ASXL3: variants seen among roughly 807,000 people sequenced by gnomAD.
ASXL3 encodes the protein ASXL transcriptional regulator 3, also known as putative Polycomb group protein ASXL3.
ASXL3 carries 34 observed loss-of-function variants against 170.6 expected under a neutral mutation model. The ratio of observed to expected loss-of-function variants is 0.20; its 90% CI spans 0.15 to 0.27. ASXL3 has a LOEUF of 0.27. Among genes scored for constraint, ASXL3 ranks in the 10% least tolerant of loss-of-function variants. ASXL3 has a pLI of 1.00. For missense variants in ASXL3, 2,592 were observed against 2,695.3 expected, an observed-to-expected ratio of 0.96 and a Z score of 0.85; for synonymous variants, 1,002 against 989.1, an observed-to-expected ratio of 1.01 and a Z score of -0.24.
intron 1 of ASXL3, among the ~76,000 whole-genome samples, chr18:33,598,854 A>G (rs895404065): frequency 6.6e-6 from 1 of 152,190 alleles, no homozygotes. Context: ...CTGGGTTCAG[A>G]TCTTTGTTCT....
In ASXL3 at chr18:33,646,344, G is replaced by GA. The variant is rs774106388; in HGVS notation, c.350dup (p.Asn117LysfsTer10). 6.2e-7 allele frequency: 1 copy of GA among 1,607,884 alleles called. No homozygotes were observed. Among genetic ancestry groups the GA allele is most frequent in the South Asian group, 1.1e-5 (1 of 90,546 alleles). ...GGCCGAGGCAAATGCCCATGGAGAAGAAAATGGAGGTAAGTGTGATGAATT... is the reference window on the plus strand; with the variant it reads ...GGCCGAGGCAAATGCCCATGGAGAAGAAAAATGGAGGTAAGTGTGATGAATT... On this transcript the variant is annotated frameshift_variant, in exon 4 of 12. Transcript: ENST00000269197. LOFTEE classifies it high-confidence loss of function.
chr18:33,586,966 T>C (rs2065039622), intron 1 of ASXL3, among the ~76,000 whole-genome samples: 3 of 152,160 alleles, frequency 2.0e-5, no homozygotes, highest in Admixed American at 2.0e-4. Flanking sequence ...GTCTTCCGAG[T>C]ATAGCTCACA....
At chr18:33,697,622 C>T (rs930422499) in intron 8 of ASXL3, among the ~76,000 whole-genome samples, 2 of 152,018 alleles carry the variant, frequency 1.3e-5, no homozygotes, top group Non-Finnish European at 2.9e-5. Context: ...TGTTCCTGGC[C>T]CTGTATGAGC....
chr18:33,610,874 A>G (rs1283950213), intron 2 of ASXL3, among the ~76,000 whole-genome samples: 3 of 152,098 alleles, frequency 2.0e-5, no homozygotes, highest in Admixed American at 6.6e-5. Flanking sequence ...AAATATATGT[A>G]TGCTGATAGT....
chr18:33,671,946 C>G (rs1330054472), intron 7 of ASXL3, 80 bp downstream of exon 7: 2 of 1,327,756 alleles, frequency 1.5e-6, no homozygotes, highest in Admixed American at 3.1e-5. Context: ...ATTTTCAGAA[C>G]ATTTTTTAAT....
In ASXL3 at chr18:33,746,111, A is replaced by G. The variant is rs1327523701; in HGVS notation, c.6263A>G (p.Glu2088Gly). 2 of 1,613,608 alleles carry G rather than the reference A, an allele frequency of 1.2e-6. No individual in the cohort carries two copies. The highest frequency in any genetic ancestry group is 1.7e-5 in the Admixed American group (1 of 59,986). Residue 2088 changes from glutamate (E) to glycine (G), a missense_variant, in exon 12 of 12, where the codon GAA (glutamate) becomes GGA (glycine). Transcript: ENST00000269197. ...NIKSEPLSFE[E>G]GLSSSCELGM... is the part of the protein sequence containing the mutation. Reference sequence around the variant, plus strand: ...AAATCGGAACCTCTTTCTTTTGAGGAAGGTTTAAGCAGCAGCTGTGAACTG... The same window carrying G: ...AAATCGGAACCTCTTTCTTTTGAGGGAGGTTTAAGCAGCAGCTGTGAACTG...
chr18:33,627,898 A>G (rs2065625155), intron 2 of ASXL3, among the ~76,000 whole-genome samples: 1 of 152,132 alleles, frequency 6.6e-6, no homozygotes, highest in Non-Finnish European at 1.5e-5. Context: ...CCTTTAGACT[A>G]ATGAAAAGCT....
chr18:33,599,931 A>G (rs566111890), intron 1 of ASXL3, among the ~76,000 whole-genome samples: 2 of 152,194 alleles, frequency 1.3e-5, no homozygotes, highest in African/African-American at 2.4e-5. Context: ...GGCTGCTGAA[A>G]AAAAGCACGT....
At position 33,607,763 on chromosome 18, in the gene ASXL3, A is replaced by T. The variant is rs575728267; in HGVS notation, c.137+87A>T. ...AAGCGATAGGTGTATCTAGATTTTGATATTGTAGTTGATTGTGAATTAACT... is the reference window on the plus strand; with the variant it reads ...AAGCGATAGGTGTATCTAGATTTTGTTATTGTAGTTGATTGTGAATTAACT... On this transcript the variant is annotated intron_variant, in intron 2 of 11. Coordinates refer to ENST00000269197, the MANE Select transcript of ASXL3 (RefSeq NM_030632.3). 2.3e-5 allele frequency: 23 copies of T among 993,622 alleles called. No individual in the cohort carries two copies. The South Asian group carries it at 3.5e-4, about 15-fold the overall frequency. The allele number at this position is 993,622 out of a possible 1,614,324, so 61.6% of individuals were successfully genotyped here.
chr18:33,651,131 T>A (rs1265170147), intron 4 of ASXL3, among the ~76,000 whole-genome samples: 13 of 152,102 alleles, frequency 8.5e-5, no homozygotes, highest in African/African-American at 3.1e-4. Flanking sequence ...GCCTTTCCAA[T>A]GTTAGTTCAC....
At chr18:33,692,292 T>A (rs1283878705) in intron 8 of ASXL3, among the ~76,000 whole-genome samples, 1 of 152,114 alleles carries the variant, frequency 6.6e-6, no homozygotes, top group African/African-American at 2.4e-5. Flanking sequence ...TATGTTTTTT[T>A]AAAAAAGAGC....
At chr18:33,695,282 G>A (rs1173132453) in intron 8 of ASXL3, among the ~76,000 whole-genome samples, 6 of 151,976 alleles carry the variant, frequency 3.9e-5, no homozygotes, top group Non-Finnish European at 8.8e-5. Context: ...TGACACTTTG[G>A]CTTTTTCGCT....
intron 7 of ASXL3, among the ~76,000 whole-genome samples, chr18:33,677,350 A>G (rs1336067104): frequency 6.6e-6 from 1 of 152,188 alleles, no homozygotes; most frequent in Non-Finnish European, 1.5e-5. Flanking sequence ...CTTACTGTGT[A>G]TCTATAGCCA....
In ASXL3 at chr18:33,607,647, C is replaced by T. The variant is rs370430128; in HGVS notation, c.108C>T (p.Val36=). 1.9e-6 allele frequency: 3 copies of T among 1,587,598 alleles called. No homozygotes were observed. The highest frequency in any genetic ancestry group is 2.6e-6 in the Non-Finnish European group (3 of 1,166,030). Residue 36 remains valine, a synonymous_variant, in exon 2 of 12, where the codon GTC becomes GTT. Transcript: ENST00000269197. ...TGACAGCAAAGCAGATATTGGAAGTCATTCAGAAAGAAGGGTTAAAAGAAA... is the reference window on the plus strand; with the variant it reads ...TGACAGCAAAGCAGATATTGGAAGTTATTCAGAAAGAAGGGTTAAAAGAAA... ...SPMTAKQILE[V]IQKEGLKETS...
At chr18:33,674,942 T>A (rs561917235) in intron 7 of ASXL3, among the ~76,000 whole-genome samples, 1 of 152,334 alleles carries the variant, frequency 6.6e-6, no homozygotes, top group East Asian at 1.9e-4. Flanking sequence ...TAGACAATGA[T>A]GTTTTTAATG....
rs1438045722 is a variant in ASXL3, at chr18:33,746,514, G to C, written c.6666G>C (p.Val2222=). 4 of 1,613,762 alleles carry C rather than the reference G, an allele frequency of 2.5e-6. No individual in the cohort carries two copies. Among genetic ancestry groups the C allele is most frequent in the Non-Finnish European group, 3.4e-6 (4 of 1,179,718 alleles). The change falls in exon 12 of 12, where the codon GTG becomes GTC. Residue 2222 remains valine (V), a synonymous_variant. Transcript: ENST00000269197. Reference sequence around the variant, plus strand: ...CTTGCCGGCTGAAAGCCATGATTGTGTGCAAAGGCTGTGGGGCCTTCTGCC... The same window carrying C: ...CTTGCCGGCTGAAAGCCATGATTGTCTGCAAAGGCTGTGGGGCCTTCTGCC... ...KCSCRLKAMI[V]CKGCGAFCHD... is the part of the protein sequence containing the mutation.
rs540208700 is a variant in ASXL3 at position 33,658,364 on chromosome 18, C to T, written c.356-3252C>T. Among the ~76,000 whole-genome samples the T allele has an allele frequency of 2.6e-5, 4 of 152,048 alleles. No individual in the cohort carries two copies. In the South Asian group the frequency reaches 6.2e-4, roughly 24 times the overall value. ...CATTTTGTCAGAATATGAATCTGCACGAACCTGCACAGCCAACTGTACTCA... is the reference window on the plus strand; with the variant it reads ...CATTTTGTCAGAATATGAATCTGCATGAACCTGCACAGCCAACTGTACTCA... On this transcript the variant is annotated intron_variant, in intron 4 of 11. Coordinates refer to ENST00000269197, the MANE Select transcript of ASXL3 (RefSeq NM_030632.3).
chr18:33,721,132 C>A (rs1009904445), intron 8 of ASXL3, among the ~76,000 whole-genome samples: 2 of 151,894 alleles, frequency 1.3e-5, no homozygotes, highest in South Asian at 2.1e-4. Flanking sequence ...GAATTGTTTT[C>A]TTTCGTTAAT....
Position 33,670,742 on chromosome 18 carries a change from G to T in ASXL3, c.547G>T (p.Val183Phe). The T allele has an allele frequency of 6.4e-7, 1 of 1,565,036 alleles. No individual in the cohort carries two copies. Among genetic ancestry groups the T allele is most frequent in the Non-Finnish European group, 8.7e-7 (1 of 1,153,842 alleles). The change falls in exon 6 of 12, where the codon GTT becomes TTT. Residue 183 changes from valine to phenylalanine, a missense_variant. By Grantham distance (50) the Val-to-Phe change is conservative. This residue lies in a region of ASXL3 where 251 missense variants were observed against 281.9 expected (regional missense o/e 0.89). Coordinates refer to ENST00000269197, the MANE Select transcript of ASXL3 (RefSeq NM_030632.3). ...MMVNKTVPRV[V>F]LTPLKVSDEQ... ...GGTAAACAAGACTGTTCCTCGTGTT[G>T]TTTTGACACCATTAAAGGTGTCTGA...
Sources: allele counts gnomAD v4.1 joint callset (sites outside exome capture counted in the v4.1 genomes callset), GRCh38; gene constraint gnomAD v4.1.1; regional missense constraint gnomAD v4.1.1; transcripts MANE v1.5; gene names NCBI Gene and HGNC (gene_info 2026-07-23, HGNC 2026-07-21).